The following LHFPL2 variants were observed in gnomAD, a reference collection of about 807,000 sequenced individuals.
The protein encoded by LHFPL2 is LHFPL tetraspan subfamily member 2 protein.
A neutral mutation model predicts 17.5 loss-of-function variants in LHFPL2; 7 were observed. That is an observed-to-expected ratio of 0.40 (90% CI 0.23 to 0.75). The LOEUF is 0.75. Ranked by LOEUF, LHFPL2 falls within the 30% of genes least tolerant of loss-of-function variation. LHFPL2 has a pLI of 0.37. For missense variants in LHFPL2, 241 were observed against 294.8 expected (o/e 0.82, Z 1.34); for synonymous variants, 134 against 116.2 (o/e 1.15, Z -0.99).
chr5:78,581,473 C>T (rs1743135832), intron 2 of LHFPL2, among the ~76,000 whole-genome samples: 1 of 152,220 alleles, frequency 6.6e-6, no homozygotes, highest in Non-Finnish European at 1.5e-5. Context: ...CCCATCAATA[C>T]CTAATTTATT....
chr5:78,578,642 C>CA (rs371239018), intron 2 of LHFPL2, among the ~76,000 whole-genome samples: 40 of 151,698 alleles, frequency 2.6e-4, no homozygotes, highest in African/African-American at 9.7e-4. Flanking sequence ...ATATGTATTT[C>CA]AAGGGCTTCT....
chr5:78,523,089 G>A (rs908303828), intron 3 of LHFPL2, among the ~76,000 whole-genome samples: 13 of 147,958 alleles, frequency 8.8e-5, no homozygotes, highest in South Asian at 4.3e-4. Flanking sequence ...CTTTTCTGGC[G>A]TGTGCACGTG....
chr5:78,496,132 G>C (rs1580743991), intron 4 of LHFPL2, among the ~76,000 whole-genome samples: 1 of 152,220 alleles, frequency 6.6e-6, no homozygotes, highest in East Asian at 1.9e-4. Context: ...TTATTCAATA[G>C]CTGTTTACTG....
intron 3 of LHFPL2, among the ~76,000 whole-genome samples, chr5:78,563,795 T>C (rs1178300376): frequency 6.6e-6 from 1 of 152,134 alleles, no homozygotes; most frequent in African/African-American, 2.4e-5. Context: ...GGCATTCCTA[T>C]GAGAAGGAAT....
At chr5:78,523,180 T>C (rs1755512069) in intron 3 of LHFPL2, among the ~76,000 whole-genome samples, 1 of 152,044 alleles carries the variant, frequency 6.6e-6, no homozygotes, top group Non-Finnish European at 1.5e-5. Context: ...CGAGTGATTT[T>C]TTAACCCAGG....
chr5:78,488,631 G>GAGAT lies in LHFPL2; in HGVS notation c.*262_*265dup. Reference sequence around the variant, plus strand: ...TTATTATCCTTCATTGAACCTGGGGGAGATGGAGTCTGACAGAACTTGGCA... The same window carrying GAGAT: ...TTATTATCCTTCATTGAACCTGGGGGAGATAGATGGAGTCTGACAGAACTTGGCA... On this transcript the variant is annotated 3_prime_UTR_variant, in exon 5 of 5. Transcript: ENST00000380345. 2.2e-6 allele frequency: 1 copy of GAGAT among 463,782 alleles called. No individual in the cohort carries two copies. Among genetic ancestry groups the GAGAT allele is most frequent in the South Asian group, 2.5e-5 (1 of 39,880 alleles). 28.7% of individuals were successfully genotyped at this position (463,782 alleles called of 1,614,324 possible).
intron 1 of LHFPL2, among the ~76,000 whole-genome samples, chr5:78,643,501 CTGTT>C (rs1254825667): frequency 6.6e-6 from 1 of 151,570 alleles, no homozygotes; most frequent in African/African-American, 2.4e-5. Flanking sequence ...GGAAAAATTG[CTGTT>C]TTTTTTTAAT....
intron 3 of LHFPL2, among the ~76,000 whole-genome samples, chr5:78,550,380 C>T (rs1056054779): frequency 6.6e-6 from 1 of 152,074 alleles, no homozygotes; most frequent in South Asian, 2.1e-4. Context: ...GGATTCAGGC[C>T]GTTATGAAGA....
chr5:78,536,012 T>C (rs2112366971), intron 3 of LHFPL2, among the ~76,000 whole-genome samples: 1 of 152,306 alleles, frequency 6.6e-6, no homozygotes, highest in Non-Finnish European at 1.5e-5. Flanking sequence ...TGCAGAGGTA[T>C]TCCTGGCCTT....
intron 4 of LHFPL2, among the ~76,000 whole-genome samples, chr5:78,498,715 C>G (rs990679730): frequency 6.6e-6 from 1 of 152,160 alleles, no homozygotes; most frequent in African/African-American, 2.4e-5. Flanking sequence ...AGTACTGATC[C>G]TTACTCACCA....
At chr5:78,640,828 A>AT (rs1240672379) in intron 1 of LHFPL2, among the ~76,000 whole-genome samples, 1 of 152,224 alleles carries the variant, frequency 6.6e-6, no homozygotes, top group African/African-American at 2.4e-5. Context: ...AATCCACAGC[A>AT]GTAAGAGGAG....
intron 3 of LHFPL2, among the ~76,000 whole-genome samples, chr5:78,512,612 C>T (rs576371434): frequency 6.6e-5 from 10 of 152,022 alleles, no homozygotes; most frequent in Admixed American, 3.9e-4. Context: ...AGAGCCTGCA[C>T]GTACCCATCA....
rs536475061 is a variant in LHFPL2, at chr5:78,648,036, G to C, written c.-350+463C>G. On this transcript the variant is annotated intron_variant, in intron 1 of 4. Coordinates refer to ENST00000380345, the MANE Select transcript of LHFPL2 (RefSeq NM_005779.3). This position sits in a 1 kb window ranked among gnomAD's most constrained non-coding sequence, Gnocchi z 5.4. ...GAAGCAGCTGACGTCTGTGGCCAGA[G>C]TGACCCACACGCCACGGACCAGGGA... 2.0e-5 allele frequency among the ~76,000 whole-genome samples: 3 copies of C among 152,230 alleles called. No individual in the cohort carries two copies. Among genetic ancestry groups the C allele is most frequent in the African/African-American group, 7.2e-5 (3 of 41,546 alleles).
intron 3 of LHFPL2, among the ~76,000 whole-genome samples, chr5:78,526,241 G>C (rs924493959): frequency 1.3e-5 from 2 of 152,164 alleles, no homozygotes; most frequent in Non-Finnish European, 2.9e-5. Context: ...GGACTCACTG[G>C]AACACAAATA....
chr5:78,575,413 G>A (rs1757104421), intron 2 of LHFPL2, among the ~76,000 whole-genome samples: 1 of 152,074 alleles, frequency 6.6e-6, no homozygotes, highest in Non-Finnish European at 1.5e-5. Flanking sequence ...GCCGGGCGTG[G>A]TGGCACGCAC....
chr5:78,527,960 G>A (rs780869717), intron 3 of LHFPL2, among the ~76,000 whole-genome samples: 3 of 152,246 alleles, frequency 2.0e-5, no homozygotes, highest in South Asian at 2.1e-4. Context: ...TTTATTTCTC[G>A]TTTCTCAGTT....
intron 2 of LHFPL2, among the ~76,000 whole-genome samples, chr5:78,618,867 A>G (rs983051263): frequency 1.3e-5 from 2 of 152,352 alleles, no homozygotes; most frequent in South Asian, 4.1e-4. Context: ...CTGAGAAGAA[A>G]GAACCAGAAT....
At chr5:78,630,458 G>A (rs7722214) in intron 2 of LHFPL2, among the ~76,000 whole-genome samples, 60,046 of 151,940 alleles carry the variant, frequency 0.4, 13,789 homozygotes, top group African/African-American at 0.64. Flanking sequence ...TATGATAGAC[G>A]AACTGATTCC....
intron 3 of LHFPL2, among the ~76,000 whole-genome samples, chr5:78,528,908 C>G (rs999328987): frequency 2.0e-5 from 3 of 152,142 alleles, no homozygotes; most frequent in African/African-American, 7.2e-5. Context: ...CAGCCTAATG[C>G]TAACAGATAA....
Sources: allele counts gnomAD v4.1 joint callset (sites outside exome capture counted in the v4.1 genomes callset), GRCh38; gene constraint gnomAD v4.1.1; non-coding constraint Gnocchi (gnomAD v3.1); transcripts MANE v1.5; gene names NCBI Gene and HGNC (gene_info 2026-07-23, HGNC 2026-07-21).